Variants in MAN2C1 observed in about 807,000 individuals in gnomAD.
MAN2C1 encodes the protein mannosidase alpha class 2C member 1.
Under a neutral mutation model 126.9 loss-of-function variants are expected in MAN2C1, and 111 were observed. The observed-to-expected ratio is 0.87, with a 90% CI of 0.75 to 1.02. The LOEUF is 1.02. MAN2C1 is among the 50% of genes least tolerant of loss of function. MAN2C1 has a pLI of 0.00. For missense variants in MAN2C1, 1,363 were observed against 1,364.4 expected (o/e 1.00, Z 0.02); for synonymous variants, 567 against 561.5 (o/e 1.01, Z -0.14).
At chr15:75,367,252 G>A (rs955522170) in intron 3 of MAN2C1, among the ~76,000 whole-genome samples, 1 of 152,130 alleles carries the variant, frequency 6.6e-6, no homozygotes, top group African/African-American at 2.4e-5. Context: ...TGGGGAATGG[G>A]ATGGGTGATA....
At chr15:75,364,709 G>C in intron 4 of MAN2C1, 44 bp from the exon 5 acceptor site, 3 of 1,509,486 alleles carry the variant, frequency 2.0e-6, no homozygotes, top group Non-Finnish European at 8.9e-7. Flanking sequence ...GACTGGCACA[G>C]TACTCCGGGG....
In MAN2C1 at chr15:75,356,802, C is replaced by A; in HGVS notation, c.2648G>T (p.Ser883Ile). 1 of 1,614,082 alleles carries A rather than the reference C, an allele frequency of 6.2e-7. No homozygotes were observed. Among genetic ancestry groups the A allele is most frequent in the African/African-American group, 1.3e-5 (1 of 75,076 alleles). The change falls in exon 22 of 26, where the codon AGC becomes ATC. Residue 883 changes from serine (S) to isoleucine (I), a missense_variant. Physicochemically the swap from Ser to Ile is moderately radical, Grantham distance 142. This residue lies in a region of MAN2C1 where 668 missense variants were observed against 650.1 expected (regional missense o/e 1.03). Transcript: ENST00000267978. The surrounding 1 kb of genome is among the most constrained non-coding windows in gnomAD (Gnocchi z 5.8). ...YGASVRGSIL[S>I]LSLLRAPKAP... ...TGGGTACCCCACTTACAGCGAGAGG[C>A]TGAGGATGCTGCCTCGCACTGACGC...
intron 4 of MAN2C1, chr15:75,366,086 C>CA (rs991115374): frequency 1.1e-4 from 33 of 313,074 alleles, no homozygotes; most frequent in East Asian, 4.5e-4. Context: ...GACTTCGTCT[C>CA]AAAAAAAAGA....
Position 75,356,178 on chromosome 15 carries a change from C to T in MAN2C1, c.2928G>A (p.Leu976=). 6.2e-7 allele frequency: 1 copy of T among 1,613,644 alleles called. No individual in the cohort carries two copies. Among genetic ancestry groups the T allele is most frequent in the Non-Finnish European group, 8.5e-7 (1 of 1,179,986 alleles). Residue 976 remains leucine (L), a synonymous_variant, in exon 25 of 26, where the codon CTG becomes CTA. Coordinates refer to ENST00000267978, the MANE Select transcript of MAN2C1 (RefSeq NM_006715.4). The surrounding 1 kb of genome is among the most constrained non-coding windows in gnomAD (Gnocchi z 5.8). The part of the protein sequence containing the change: ...SPQRRSLVLR[L]YEAHGSHVDC... Reference sequence around the variant, plus strand: ...CCACGTGGCTGCCGTGGGCCTCATACAGCCTCAGGACCAGCGAGCGGCGCT... The same window carrying T: ...CCACGTGGCTGCCGTGGGCCTCATATAGCCTCAGGACCAGCGAGCGGCGCT...
In MAN2C1 at chr15:75,358,140, C is replaced by T; in HGVS notation, c.2547+61G>A. 1.3e-6 allele frequency: 2 copies of T among 1,596,518 alleles called. 1 individual carries two copies. Among genetic ancestry groups the T allele is most frequent in the South Asian group, 2.2e-5 (2 of 90,710 alleles). ...TCCTCTTCCTCCCCAGCCTGTTCCA[C>T]ACAAGCAGTCTCCCCAGCCAGGGAG... On this transcript the variant is annotated intron_variant, in intron 21 of 25. Coordinates refer to ENST00000267978, the MANE Select transcript of MAN2C1 (RefSeq NM_006715.4).
chr15:75,364,756 G>A (rs754934584), intron 4 of MAN2C1, 91 bp from the exon 5 acceptor site: 1 of 1,174,530 alleles, frequency 8.5e-7, no homozygotes, highest in Non-Finnish European at 1.2e-6. Context: ...ATCCAGCTGA[G>A]CCCAACCTGT....
Position 75,364,670 on chromosome 15 carries a change from A to G in MAN2C1, c.423-5T>C. On this transcript the variant is annotated splice_polypyrimidine_tract_variant and splice_region_variant and intron_variant, in intron 4 of 25. Coordinates refer to ENST00000267978, the MANE Select transcript of MAN2C1 (RefSeq NM_006715.4). ...ACTTCCACATAGAGAGTGAGGCTAC[A>G]AAGATGGGGAGACAGCCTCAGGCTA... The G allele has an allele frequency of 6.2e-7, 1 of 1,604,910 alleles. No individual in the cohort carries two copies. Among genetic ancestry groups the G allele is most frequent in the South Asian group, 1.1e-5 (1 of 89,736 alleles).
rs1421899179 is a variant in MAN2C1, at chr15:75,356,318, A to G, written c.2869T>C (p.Leu957=). 2 of 1,612,462 alleles carry G rather than the reference A, an allele frequency of 1.2e-6. No individual in the cohort carries two copies. The highest frequency in any genetic ancestry group is 1.7e-4 in the Middle Eastern group (1 of 6,052). ...CCCCTTGCCTGCTTGACGGTCTCCAATACGACCGCGGGTGAAGACACGGAA... is the reference window on the plus strand; with the variant it reads ...CCCCTTGCCTGCTTGACGGTCTCCAGTACGACCGCGGGTGAAGACACGGAA... ...AFSVSSPAVV[L]ETVKQAESSP... The change falls in exon 24 of 26, where the codon TTG becomes CTG. Residue 957 remains leucine, a synonymous_variant. Transcript: ENST00000267978. This position sits in a 1 kb window ranked among gnomAD's most constrained non-coding sequence, Gnocchi z 5.8.
Position 75,366,514 on chromosome 15 carries a change from G to A in MAN2C1, c.422+8C>T. On this transcript the variant is annotated splice_region_variant and intron_variant, in intron 4 of 25. Transcript: ENST00000267978. ...ACAGCACTGGTCAACCAGGGCACAG[G>A]GACTCACCTTCGGGGGTCTCTTTCC... is the stretch of plus-strand genomic sequence containing the variant. 1 of 1,612,798 alleles carries A rather than the reference G, an allele frequency of 6.2e-7. No homozygotes were observed. Among genetic ancestry groups the A allele is most frequent in the African/African-American group, 1.3e-5 (1 of 75,040 alleles).
In MAN2C1 at chr15:75,362,066, G is replaced by T; in HGVS notation, c.1009-119C>A. Reference sequence around the variant, plus strand: ...GGGCTGCTCAAACATGGGAGTTACAGCCAGAACTCAGGAAGGGCCCCTGTC... The same window carrying T: ...GGGCTGCTCAAACATGGGAGTTACATCCAGAACTCAGGAAGGGCCCCTGTC... On this transcript the variant is annotated intron_variant, in intron 8 of 25. Coordinates refer to ENST00000267978, the MANE Select transcript of MAN2C1 (RefSeq NM_006715.4). This position sits in a 1 kb window ranked among gnomAD's most constrained non-coding sequence, Gnocchi z 4.5. 1 of 808,352 alleles carries T rather than the reference G, an allele frequency of 1.2e-6. No individual in the cohort carries two copies. Among genetic ancestry groups the T allele is most frequent in the Non-Finnish European group, 2.1e-6 (1 of 482,448 alleles). The allele number at this position is 808,352 out of a possible 1,614,324, so 50.1% of individuals were successfully genotyped here.
chr15:75,361,560 G>T lies in MAN2C1; in HGVS notation c.1218+44C>A. ...GGGGAGAGGCAAATGGGCCAGGCGG[G>T]ACTGAGGCCCACTCTGACCCTGACC... On this transcript the variant is annotated intron_variant, in intron 10 of 25. Coordinates refer to ENST00000267978, the MANE Select transcript of MAN2C1 (RefSeq NM_006715.4). This position sits in a 1 kb window ranked among gnomAD's most constrained non-coding sequence, Gnocchi z 5.0. 6.7e-7 allele frequency: 1 copy of T among 1,481,614 alleles called. No individual in the cohort carries two copies. Among genetic ancestry groups the T allele is most frequent in the South Asian group, 1.1e-5 (1 of 88,200 alleles). The allele number at this position is 1,481,614 out of a possible 1,614,324, so 91.8% of individuals were successfully genotyped here. A position where few individuals can be genotyped will look rare whatever the true frequency, so the allele number is the denominator to read the frequency against.
chr15:75,356,806 G>T lies in MAN2C1; in HGVS notation c.2644C>A (p.Leu882Ile). 1 of 1,614,098 alleles carries T rather than the reference G, an allele frequency of 6.2e-7. No homozygotes were observed. Among genetic ancestry groups the T allele is most frequent in the Non-Finnish European group, 8.5e-7 (1 of 1,180,028 alleles). ...TACCCCACTTACAGCGAGAGGCTGA[G>T]GATGCTGCCTCGCACTGACGCGCCA... The part of the protein sequence containing the change: ...KYGASVRGSI[L>I]SLSLLRAPKA... Residue 882 changes from leucine to isoleucine, a missense_variant, in exon 22 of 26, where the codon CTC becomes ATC. By Grantham distance (5) the Leu-to-Ile change is conservative. This residue lies in a region of MAN2C1 where 668 missense variants were observed against 650.1 expected (regional missense o/e 1.03). Transcript: ENST00000267978. This position sits in a 1 kb window ranked among gnomAD's most constrained non-coding sequence, Gnocchi z 5.8.
chr15:75,358,705 G>GC lies in MAN2C1; in HGVS notation c.2244_2245insG (p.Arg749AlafsTer36). 1 of 435,216 alleles carries GC rather than the reference G, an allele frequency of 2.3e-6. No individual in the cohort carries two copies. Among genetic ancestry groups the GC allele is most frequent in the Non-Finnish European group, 3.7e-6 (1 of 267,258 alleles). 27.0% of individuals were successfully genotyped at this position (435,216 alleles called of 1,614,324 possible). ...CCCCACATGCTGCCCAGCCTATACC[G>GC]TGTCTCCAGGTGGTAGTCCATGACG... On this transcript the variant is annotated frameshift_variant and splice_region_variant, in exon 19 of 26. Coordinates refer to ENST00000267978, the MANE Select transcript of MAN2C1 (RefSeq NM_006715.4). LOFTEE classifies it high-confidence loss of function.
chr15:75,357,944 G>A, intron 21 of MAN2C1: 2 of 429,888 alleles, frequency 4.7e-6, no homozygotes, highest in Non-Finnish European at 4.3e-6. Flanking sequence ...TAGTAGAGAT[G>A]GCGTTTCACC....
At position 75,361,796 on chromosome 15, in the gene MAN2C1, C is replaced by T; in HGVS notation, c.1101+59G>A. ...TCACCCCAGCCTCAGCCCCTCAGCA[C>T]TCCAAGTCGAGCGCCAGCCCCACTC... is the stretch of plus-strand genomic sequence containing the variant. On this transcript the variant is annotated intron_variant, in intron 9 of 25. Coordinates refer to ENST00000267978, the MANE Select transcript of MAN2C1 (RefSeq NM_006715.4). The surrounding 1 kb of genome is among the most constrained non-coding windows in gnomAD (Gnocchi z 5.0). 3.8e-6 allele frequency: 6 copies of T among 1,597,746 alleles called. No homozygotes were observed. Among genetic ancestry groups the T allele is most frequent in the Non-Finnish European group, 5.1e-6 (6 of 1,165,236 alleles).
In MAN2C1 at chr15:75,360,248, T is replaced by A. The variant is rs372612165; in HGVS notation, c.1585-37A>T. 109 of 1,600,552 alleles carry A rather than the reference T, an allele frequency of 6.8e-5. No individual in the cohort carries two copies. The African/African-American group carries it at 1.3e-3, about 20-fold the overall frequency. On this transcript the variant is annotated intron_variant, in intron 13 of 25. Coordinates refer to ENST00000267978, the MANE Select transcript of MAN2C1 (RefSeq NM_006715.4). ...ATGGGAAGATTAGTCTGGAGCCTGC[T>A]TAGCTGTCCCAGGACACCTTCCAAA...
In MAN2C1 at chr15:75,367,621, A is replaced by G. The variant is rs1451612570; in HGVS notation, c.241T>C (p.Trp81Arg). Residue 81 changes from tryptophan (W) to arginine (R), a missense_variant, in exon 3 of 26, where the codon TGG becomes CGG. Transcript: ENST00000267978. Reference sequence around the variant, plus strand: ...GGGATGGTCAGCTCCACCCGGAACCAGCAGGTCCACCATCTGCAAGAGAGC... The same window carrying G: ...GGGATGGTCAGCTCCACCCGGAACCGGCAGGTCCACCATCTGCAAGAGAGC... ...DSFGPTWWTC[W>R]FRVELTIPEA... 6.2e-7 allele frequency: 1 copy of G among 1,614,074 alleles called. No homozygotes were observed. The highest frequency in any genetic ancestry group is 8.5e-7 in the Non-Finnish European group (1 of 1,180,022).
In MAN2C1 at chr15:75,360,670, T is replaced by C. The variant is rs1567278690; in HGVS notation, c.1479A>G (p.Pro493=). Residue 493 remains proline, a synonymous_variant, in exon 13 of 26, where the codon CCA becomes CCG. Coordinates refer to ENST00000267978, the MANE Select transcript of MAN2C1 (RefSeq NM_006715.4). ...DGLPRVQLSS[P]RQLFSALESD... ...TCTCCAGTGCTGAGAAGAGCTGTCT[T>C]GGAGAAGATAGCTGCACCCTGAGGA... is the stretch of plus-strand genomic sequence containing the variant. The C allele has an allele frequency of 6.2e-7, 1 of 1,613,728 alleles. No individual in the cohort carries two copies. The highest frequency in any genetic ancestry group is 8.5e-7 in the Non-Finnish European group (1 of 1,179,996).
At chr15:75,368,412 G>A in intron 1 of MAN2C1, 71 bp downstream of exon 1, 1 of 1,495,170 alleles carries the variant, frequency 6.7e-7, no homozygotes, top group South Asian at 1.2e-5. Context: ...TGCAGCTTAG[G>A]TTTCTCCCCG....
Sources: gnomAD v4.1 joint callset for allele counts (sites outside exome capture counted in the v4.1 genomes callset) on GRCh38, gnomAD v4.1.1 for gene constraint, gnomAD v4.1.1 regional missense constraint, Gnocchi (gnomAD v3.1) non-coding constraint, MANE v1.5 for transcripts, NCBI Gene and HGNC (gene_info 2026-07-23, HGNC 2026-07-21) for gene names.